Variants in WSCD1 observed in about 807,000 individuals in gnomAD.
WSCD1 encodes the protein sialate:O-sulfotransferase 1.
WSCD1 carries 41 observed loss-of-function variants against 60.4 expected under a neutral mutation model. That is an observed-to-expected ratio of 0.68 (90% CI 0.53 to 0.88). WSCD1 has a LOEUF of 0.88. Ranked by LOEUF, WSCD1 falls within the 40% of genes least tolerant of loss-of-function variation. WSCD1 has a pLI of 0.00. For missense variants in WSCD1, 784 were observed against 796.2 expected (o/e 0.98, Z 0.18); for synonymous variants, 361 against 332.5 (o/e 1.09, Z -0.93).
At chr17:6,070,688 C>G (rs1167433742) in intron 1 of WSCD1, 36 bp downstream of exon 1, 6 of 151,150 alleles carry the variant, frequency 4.0e-5, no homozygotes, top group Non-Finnish European at 5.9e-5. Flanking sequence ...GCCGGACCCC[C>G]GCGCGGGCTG....
chr17:6,080,529 C>A lies in WSCD1; in HGVS notation c.-130C>A. On this transcript the variant is annotated 5_prime_UTR_variant, in exon 2 of 9. Transcript: ENST00000317744. This position sits in a 1 kb window ranked among gnomAD's most constrained non-coding sequence, Gnocchi z 6.6. ...AACGGGGCAGGAACAGTGAGTGACC[C>A]CAGGCGAGCACAGGCAGGTGCCAGG... 1.1e-6 allele frequency: 1 copy of A among 937,406 alleles called. No homozygotes were observed. Among genetic ancestry groups the A allele is most frequent in the Non-Finnish European group, 1.6e-6 (1 of 615,846 alleles). 58.1% of individuals were successfully genotyped at this position (937,406 alleles called of 1,614,324 possible).
intron 5 of WSCD1, among the ~76,000 whole-genome samples, chr17:6,107,272 G>A (rs898836417): frequency 2.6e-5 from 4 of 152,066 alleles, no homozygotes; most frequent in Admixed American, 6.5e-5. Flanking sequence ...AGGCTGAGGC[G>A]GGCAGATCAT....
intron 5 of WSCD1, among the ~76,000 whole-genome samples, chr17:6,103,023 C>T (rs1307129466): frequency 6.6e-6 from 1 of 152,152 alleles, no homozygotes; most frequent in East Asian, 1.9e-4. Context: ...CTAGCCTCAT[C>T]CTTCTGAAGC....
Position 6,088,061 on chromosome 17 carries a change from A to C in WSCD1, c.499A>C (p.Arg167=). Residue 167 remains arginine, a synonymous_variant, in exon 3 of 9, where the codon AGA becomes CGA. Coordinates refer to ENST00000317744, the MANE Select transcript of WSCD1 (RefSeq NM_015253.2). ...GAAAGGAGCTGTGTTTTATGACTTG[A>C]GAAAGATGACTGTCTCCCACTGCCA... ...TLKGAVFYDL[R]KMTVSHCQDA... is the part of the protein sequence containing the mutation. 6.2e-7 allele frequency: 1 copy of C among 1,614,198 alleles called. No individual in the cohort carries two copies. Among genetic ancestry groups the C allele is most frequent in the South Asian group, 1.1e-5 (1 of 91,088 alleles).
chr17:6,084,277 G>T (rs994629113), intron 2 of WSCD1, among the ~76,000 whole-genome samples: 1 of 152,266 alleles, frequency 6.6e-6, no homozygotes, highest in Non-Finnish European at 1.5e-5. Context: ...AAACAACCAA[G>T]TCTGGGGAGG....
chr17:6,104,554 A>C (rs1910982015), intron 5 of WSCD1, among the ~76,000 whole-genome samples: 1 of 152,190 alleles, frequency 6.6e-6, no homozygotes, highest in Admixed American at 6.5e-5. Flanking sequence ...TCACTGGACA[A>C]GTTTTCAGCC....
At chr17:6,099,944 C>T (rs764635616) in intron 5 of WSCD1, among the ~76,000 whole-genome samples, 2 of 152,114 alleles carry the variant, frequency 1.3e-5, no homozygotes, top group African/African-American at 2.4e-5. Context: ...TAAACCGGCA[C>T]GAGACCAAGA....
chr17:6,072,956 C>A (rs990751148), intron 1 of WSCD1, among the ~76,000 whole-genome samples: 2 of 152,190 alleles, frequency 1.3e-5, no homozygotes, highest in Non-Finnish European at 2.9e-5. Context: ...ATACAGTGCA[C>A]CTGCTGGTAG....
intron 5 of WSCD1, 67 bp downstream of exon 5, chr17:6,095,290 G>T (rs928977886): frequency 6.5e-7 from 1 of 1,531,972 alleles, no homozygotes; most frequent in East Asian, 2.4e-5. Context: ...AGAGAGGGGG[G>T]CACATGTGCT....
rs1461418406 is a variant in WSCD1 at position 6,118,859 on chromosome 17, A to G, written c.1375+671A>G. Among the ~76,000 whole-genome samples, 1 of 152,244 alleles carries G rather than the reference A, an allele frequency of 6.6e-6. No individual in the cohort carries two copies. Among genetic ancestry groups the G allele is most frequent in the Non-Finnish European group, 1.5e-5 (1 of 68,046 alleles). ...AATGTCTTAGTCAGCTCTGGCTGCC[A>G]TAACAAAATACCACAAAACTGGGGG... is the stretch of plus-strand genomic sequence containing the variant. On this transcript the variant is annotated intron_variant, in intron 8 of 8. Coordinates refer to ENST00000317744, the MANE Select transcript of WSCD1 (RefSeq NM_015253.2). This position sits in a 1 kb window ranked among gnomAD's most constrained non-coding sequence, Gnocchi z 5.8.
Position 6,080,984 on chromosome 17 carries a change from T to C in WSCD1, c.326T>C (p.Leu109Pro), listed in dbSNP as rs1909222426. Reference protein sequence around the residue: ...PRWLRSRNSELRQLRRRWFHH... With the variant: ...PRWLRSRNSEPRQLRRRWFHH... ...TGGCTCCGGAGCCGCAACTCGGAGC[T>C]GCGTCAGTTGCGTCGCCGCTGGTTC... Residue 109 changes from leucine to proline, a missense_variant, in exon 2 of 9, where the codon CTG becomes CCG. Coordinates refer to ENST00000317744, the MANE Select transcript of WSCD1 (RefSeq NM_015253.2). This position sits in a 1 kb window ranked among gnomAD's most constrained non-coding sequence, Gnocchi z 6.6. The C allele has an allele frequency of 6.5e-7, 1 of 1,547,080 alleles. No homozygotes were observed. The highest frequency in any genetic ancestry group is 8.7e-7 in the Non-Finnish European group (1 of 1,148,586).
At chr17:6,108,801 G>A (rs1244055201) in intron 5 of WSCD1, among the ~76,000 whole-genome samples, 1 of 152,212 alleles carries the variant, frequency 6.6e-6, no homozygotes. Context: ...CTCCCCAAAG[G>A]GGAACAAGGA....
At position 6,103,880 on chromosome 17, in the gene WSCD1, A is replaced by T. The variant is rs142992032; in HGVS notation, c.850-5727A>T. On this transcript the variant is annotated intron_variant, in intron 5 of 8. Coordinates refer to ENST00000317744, the MANE Select transcript of WSCD1 (RefSeq NM_015253.2). ...TTCAATCCCCAGATCCACCATATGG[A>T]TGGAGGAACCAAGACTCAATTCAGC... 3.1e-3 allele frequency among the ~76,000 whole-genome samples: 469 copies of T among 152,288 alleles called. 1 individual carries two copies. Among genetic ancestry groups the T allele is most frequent in the African/African-American group, 0.01 (430 of 41,542 alleles).
At chr17:6,091,391 G>T (rs1338973785) in intron 4 of WSCD1, among the ~76,000 whole-genome samples, 1 of 152,188 alleles carries the variant, frequency 6.6e-6, no homozygotes, top group Non-Finnish European at 1.5e-5. Flanking sequence ...TTAGAGATAG[G>T]CTGTGTGGCC....
intron 1 of WSCD1, chr17:6,078,145 A>T (rs1366712660): frequency 1.3e-5 from 2 of 152,274 alleles, no homozygotes; most frequent in African/African-American, 4.8e-5. Flanking sequence ...GGATTTGCGT[A>T]TCAATTTATC....
intron 7 of WSCD1, among the ~76,000 whole-genome samples, chr17:6,114,153 T>TAAAAAAAAAAA (rs370433776): frequency 8.0e-6 from 1 of 125,202 alleles, no homozygotes. Flanking sequence ...TAGTTAGCCG[T>TAAAAAAAAAAA]AAAAAAAAAA....
Position 6,116,477 on chromosome 17 carries a change from G to A in WSCD1, c.1175-1511G>A, listed in dbSNP as rs1285624377. Among the ~76,000 whole-genome samples, 10 of 152,300 alleles carry A rather than the reference G, an allele frequency of 6.6e-5. No homozygotes were observed. The East Asian group carries it at 7.7e-4, about 12-fold the overall frequency. On this transcript the variant is annotated intron_variant, in intron 7 of 8. Coordinates refer to ENST00000317744, the MANE Select transcript of WSCD1 (RefSeq NM_015253.2). The stretch of plus-strand genomic sequence containing the variant: ...ACCACCAAATCTATTGTGGTAGGTC[G>A]AATGTGGTCTGAGCTGCAAGGCAGA...
chr17:6,110,777 G>A lies in WSCD1; in HGVS notation c.1016G>A (p.Arg339His), dbSNP rs748418467. Residue 339 changes from arginine to histidine, a missense_variant, in exon 7 of 9, where the codon CGT becomes CAT. Transcript: ENST00000317744. The surrounding 1 kb of genome is among the most constrained non-coding windows in gnomAD (Gnocchi z 4.8). ...EVYQTPVQDT[R>H]CTDRRFLPNK... The stretch of plus-strand genomic sequence containing the variant: ...ATGACTTTTGGACTTTCAGACACTC[G>A]TTGTACAGACAGGAGGTTCCTGCCT... 8.1e-6 allele frequency: 13 copies of A among 1,611,940 alleles called. No individual in the cohort carries two copies. The highest frequency in any genetic ancestry group is 2.2e-5 in the East Asian group (1 of 44,822).
intron 7 of WSCD1, 68 bp from the exon 8 acceptor site, chr17:6,117,920 T>C: frequency 2.0e-6 from 3 of 1,530,472 alleles, no homozygotes; most frequent in Non-Finnish European, 2.7e-6. Context: ...ACCCAATCTG[T>C]CTGCTGCTAT....
Sources: allele counts gnomAD v4.1 joint callset (sites outside exome capture counted in the v4.1 genomes callset), GRCh38; gene constraint gnomAD v4.1.1; non-coding constraint Gnocchi (gnomAD v3.1); transcripts MANE v1.5; gene names NCBI Gene and HGNC (gene_info 2026-07-23, HGNC 2026-07-21).